Variants in NCAM2 observed in about 807,000 individuals in gnomAD.
NCAM2 encodes N-CAM-2.
A neutral mutation model predicts 98.1 loss-of-function variants in NCAM2; 30 were observed. The ratio of observed to expected loss-of-function variants is 0.31; its 90% CI spans 0.23 to 0.41. The LOEUF (loss-of-function observed/expected upper bound fraction) is 0.41, where lower values mean the gene tolerates loss of function less well. Ranked by LOEUF, NCAM2 falls within the 10% of genes least tolerant of loss-of-function variation. The pLI, the probability that NCAM2 is intolerant of heterozygous loss-of-function variation, is 1.00. For missense variants in NCAM2, 867 were observed against 1,005.8 expected, an observed-to-expected ratio of 0.86 and a Z score of 1.87; for synonymous variants, 368 against 342.4, an observed-to-expected ratio of 1.07 and a Z score of -0.83.
rs142503601 is a variant in NCAM2, at chr21:21,405,041, G to C, written c.1196-5233G>C. ...TTCCAAAAGTTTGTAACTTTACCGG[G>C]ACTGAAAAACATCAAAATTAGAATA... On this transcript the variant is annotated intron_variant, in intron 9 of 17. Transcript: ENST00000400546. Among the ~76,000 whole-genome samples the C allele has an allele frequency of 2.0e-3, 304 of 151,722 alleles. 1 individual carries two copies. Among genetic ancestry groups the C allele is most frequent in the African/African-American group, 7.0e-3 (288 of 41,438 alleles).
Position 21,284,264 on chromosome 21 carries a change from A to T in NCAM2, c.201A>T (p.Val67=). ...QGEKIISTQR[V]VVQKEGVRSR... ...AGAAGATAATTTCAACACAGAGGGT[A>T]GTAGTGCAAAAGGAAGGTGTTAGGT... The change falls in exon 3 of 18, where the codon GTA becomes GTT. Residue 67 remains valine, a synonymous_variant. Transcript: ENST00000400546. 1 of 1,612,262 alleles carries T rather than the reference A, an allele frequency of 6.2e-7. No individual in the cohort carries two copies. Among genetic ancestry groups the T allele is most frequent in the Non-Finnish European group, 8.5e-7 (1 of 1,178,522 alleles).
chr21:21,029,772 A>C (rs898155393), intron 1 of NCAM2, among the ~76,000 whole-genome samples: 1 of 151,952 alleles, frequency 6.6e-6, no homozygotes, highest in Non-Finnish European at 1.5e-5. Context: ...CTGGGGCTGC[A>C]AGTGCACACC....
chr21:21,447,345 A>G (rs1032569929), intron 12 of NCAM2, among the ~76,000 whole-genome samples: 34 of 152,150 alleles, frequency 2.2e-4, no homozygotes, highest in African/African-American at 7.7e-4. Flanking sequence ...CTGGCTAGCA[A>G]TATGCAAAAA....
intron 9 of NCAM2, among the ~76,000 whole-genome samples, chr21:21,403,465 T>C (rs2076674331): frequency 6.6e-6 from 1 of 152,156 alleles, no homozygotes; most frequent in Admixed American, 6.6e-5. Flanking sequence ...TCTTTAAGAT[T>C]AAGGTTGAGA....
intron 1 of NCAM2, among the ~76,000 whole-genome samples, chr21:21,176,621 G>T (rs1421891889): frequency 1.3e-5 from 2 of 151,814 alleles, no homozygotes; most frequent in Non-Finnish European, 2.9e-5. Flanking sequence ...ATATTTTGAG[G>T]GAGAAATTAA....
At chr21:21,016,536 T>C (rs1454077227) in intron 1 of NCAM2, among the ~76,000 whole-genome samples, 1 of 152,076 alleles carries the variant, frequency 6.6e-6, no homozygotes. Flanking sequence ...CTCAGTCTGA[T>C]GGGCAAAAAG....
At chr21:21,245,027 C>T (rs376182101) in intron 1 of NCAM2, among the ~76,000 whole-genome samples, 1 of 152,024 alleles carries the variant, frequency 6.6e-6, no homozygotes, top group East Asian at 1.9e-4. Context: ...AGGGGGTATA[C>T]ACACTCCAAG....
intron 8 of NCAM2, among the ~76,000 whole-genome samples, chr21:21,356,192 A>T (rs1389744210): frequency 6.6e-6 from 1 of 152,168 alleles, no homozygotes; most frequent in Non-Finnish European, 1.5e-5. Flanking sequence ...TAAACTTATA[A>T]CAATTTAAAT....
At chr21:21,525,083 C>A (rs918362881) in intron 16 of NCAM2, among the ~76,000 whole-genome samples, 2 of 152,018 alleles carry the variant, frequency 1.3e-5, no homozygotes, top group Non-Finnish European at 2.9e-5. Context: ...ATTATCTAGA[C>A]CTCTACCTCA....
intron 1 of NCAM2, among the ~76,000 whole-genome samples, chr21:21,253,452 A>C (rs2071545200): frequency 6.6e-6 from 1 of 152,028 alleles, no homozygotes; most frequent in Non-Finnish European, 1.5e-5. Context: ...AGCCCTTATA[A>C]ATGGAATTGG....
At chr21:21,291,656 CAG>C (rs2073300465) in intron 4 of NCAM2, among the ~76,000 whole-genome samples, 1 of 151,670 alleles carries the variant, frequency 6.6e-6, no homozygotes, top group Non-Finnish European at 1.5e-5. Context: ...GTTGCCTCCA[CAG>C]AGACGCAAAA....
chr21:21,089,835 A>G (rs910409627), intron 1 of NCAM2, among the ~76,000 whole-genome samples: 3 of 152,178 alleles, frequency 2.0e-5, no homozygotes, highest in African/African-American at 7.2e-5. Context: ...TTATACGTAT[A>G]TGGCTTGTGT....
intron 1 of NCAM2, among the ~76,000 whole-genome samples, chr21:21,030,674 G>A (rs2064661997): frequency 6.6e-6 from 1 of 152,186 alleles, no homozygotes; most frequent in Non-Finnish European, 1.5e-5. Context: ...ACTTTTGACA[G>A]TGCCTTCCTT....
At chr21:21,351,603 T>C (rs2075342003) in intron 8 of NCAM2, among the ~76,000 whole-genome samples, 4 of 152,246 alleles carry the variant, frequency 2.6e-5, no homozygotes, top group Non-Finnish European at 5.9e-5. Context: ...CCATGCTTTT[T>C]TTCAAAGCCT....
At chr21:21,422,898 T>C (rs969365893) in intron 11 of NCAM2, among the ~76,000 whole-genome samples, 1 of 152,160 alleles carries the variant, frequency 6.6e-6, no homozygotes, top group East Asian at 1.9e-4. Context: ...TTTGACTATA[T>C]AGTGTTATTT....
chr21:21,256,329 C>T lies in NCAM2; in HGVS notation c.56-24249C>T, dbSNP rs2071670855. Among the ~76,000 whole-genome samples the T allele has an allele frequency of 2.0e-5, 3 of 152,122 alleles. No homozygotes were observed. In the South Asian group the frequency reaches 6.2e-4, roughly 32 times the overall value. ...CGAGATCACGCCATTGCACTCCAGC[C>T]TGGGCAACAAGAGCAAAAAACTCTG... is the stretch of plus-strand genomic sequence containing the variant. On this transcript the variant is annotated intron_variant, in intron 1 of 17. Coordinates refer to ENST00000400546, the MANE Select transcript of NCAM2 (RefSeq NM_004540.5).
At chr21:21,158,625 AG>A (rs887115939) in intron 1 of NCAM2, among the ~76,000 whole-genome samples, 1 of 151,234 alleles carries the variant, frequency 6.6e-6, no homozygotes, top group Non-Finnish European at 1.5e-5. Context: ...AAAAAAAAAA[AG>A]ATTATCATGG....
At chr21:21,161,827 G>A (rs903133708) in intron 1 of NCAM2, among the ~76,000 whole-genome samples, 8 of 151,956 alleles carry the variant, frequency 5.3e-5, no homozygotes, top group Non-Finnish European at 1.2e-4. Context: ...TAACGCAGTC[G>A]GGCCAGGGGA....
chr21:21,177,738 T>C (rs2068340753), intron 1 of NCAM2, among the ~76,000 whole-genome samples: 1 of 150,392 alleles, frequency 6.6e-6, no homozygotes, highest in Non-Finnish European at 1.5e-5. Flanking sequence ...TCCCTCCCTC[T>C]CTCCCTCCTT....
Sources: gnomAD v4.1 joint callset for allele counts (sites outside exome capture counted in the v4.1 genomes callset) on GRCh38, gnomAD v4.1.1 for gene constraint, MANE v1.5 for transcripts, NCBI Gene and HGNC (gene_info 2026-07-23, HGNC 2026-07-21) for gene names.